Variants in ZBTB20 observed in about 807,000 individuals in gnomAD.
The protein encoded by ZBTB20 is zinc finger and BTB domain containing 20, also known as zinc finger and BTB domain-containing protein 20.
ZBTB20 carries 9 observed loss-of-function variants against 56.9 expected under a neutral mutation model. The ratio of observed to expected loss-of-function variants is 0.16; its 90% confidence interval spans 0.10 to 0.28. The LOEUF (loss-of-function observed/expected upper bound fraction) is 0.28. Ranked by LOEUF, ZBTB20 falls within the 10% of genes least tolerant of loss-of-function variation. The pLI is 1.00. For missense variants in ZBTB20, 655 were observed against 1,003.0 expected, an observed-to-expected ratio of 0.65 and a Z score of 4.69; for synonymous variants, 417 against 420.7, an observed-to-expected ratio of 0.99 and a Z score of 0.11.
intron 6 of ZBTB20, among the ~76,000 whole-genome samples, chr3:114,638,075 C>T (rs2059370450): frequency 1.3e-5 from 2 of 152,086 alleles, no homozygotes; most frequent in Admixed American, 6.6e-5. Flanking sequence ...ATTTATAAGC[C>T]AATTATGACA....
chr3:114,714,588 T>C (rs2064328269), intron 5 of ZBTB20, among the ~76,000 whole-genome samples: 1 of 151,824 alleles, frequency 6.6e-6, no homozygotes, highest in Admixed American at 6.6e-5. Context: ...TTCCATTGTG[T>C]CCCCTTCTTC....
intron 7 of ZBTB20, among the ~76,000 whole-genome samples, chr3:114,437,621 T>C (rs1326494711): frequency 1.3e-5 from 2 of 152,148 alleles, no homozygotes; most frequent in African/African-American, 4.8e-5. Flanking sequence ...AAGTATTTTA[T>C]AGGGTTGAAG....
At chr3:114,346,691 T>A (rs928741700) in intron 11 of ZBTB20, among the ~76,000 whole-genome samples, 1 of 151,492 alleles carries the variant, frequency 6.6e-6, no homozygotes, top group African/African-American at 2.4e-5. Context: ...AGATTTTTTT[T>A]TTTTTTTTTT....
chr3:114,919,518 C>T (rs943118250), intron 3 of ZBTB20, among the ~76,000 whole-genome samples: 3 of 151,918 alleles, frequency 2.0e-5, no homozygotes, highest in Non-Finnish European at 2.9e-5. Context: ...CCATCCTGGC[C>T]AAGTTCGTGA....
intron 6 of ZBTB20, among the ~76,000 whole-genome samples, chr3:114,547,238 A>T (rs2050000036): frequency 6.6e-6 from 1 of 152,210 alleles, no homozygotes. Flanking sequence ...TCCAAGGCCA[A>T]GAAATGAGAC....
At chr3:114,888,761 C>T (rs1380507434) in intron 4 of ZBTB20, among the ~76,000 whole-genome samples, 1 of 152,084 alleles carries the variant, frequency 6.6e-6, no homozygotes, top group East Asian at 1.9e-4. Context: ...TGAATTGTCT[C>T]CTGATATACA....
chr3:115,077,532 C>T (rs2082638728), intron 1 of ZBTB20, among the ~76,000 whole-genome samples: 1 of 152,188 alleles, frequency 6.6e-6, no homozygotes, highest in Non-Finnish European at 1.5e-5. Context: ...TTCTGTTGTT[C>T]ATAAATTACC....
In ZBTB20 at chr3:114,859,810, G is replaced by T. The variant is rs140539863; in HGVS notation, c.-417+40494C>A. The stretch of plus-strand genomic sequence containing the variant: ...CATAAATAAAGCAAAGGTTCAAACT[G>T]CACTTTTACAACTACAATGTCACTA... On this transcript the variant is annotated intron_variant, in intron 4 of 11. Coordinates refer to ENST00000675478, the MANE Select transcript of ZBTB20 (RefSeq NM_001348800.3). Among the ~76,000 whole-genome samples, 224 of 152,186 alleles carry T rather than the reference G, an allele frequency of 1.5e-3. 2 individuals are homozygous for T. Among genetic ancestry groups the T allele is most frequent in the Middle Eastern group, 3.4e-3 (1 of 294 alleles).
At chr3:114,843,994 T>C (rs1213878013) in intron 4 of ZBTB20, among the ~76,000 whole-genome samples, 1 of 152,078 alleles carries the variant, frequency 6.6e-6, no homozygotes, top group Non-Finnish European at 1.5e-5. Flanking sequence ...GCCATATTTT[T>C]ATAAAGACTT....
At position 114,477,962 on chromosome 3, in the gene ZBTB20, CCT is replaced by C. The variant is rs144916161; in HGVS notation, c.-255+22388_-255+22389del. On this transcript the variant is annotated intron_variant, in intron 7 of 11. Transcript: ENST00000675478. ...CTCTCTCTCTCTCCCTCCCACCCTC[CCT>C]CTCTCTCTCTCTCTCTCTTTCTTTC... Among the ~76,000 whole-genome samples, 724 of 111,712 alleles carry C rather than the reference CCT, an allele frequency of 6.5e-3. 3 individuals are homozygous for C. In the Middle Eastern group the frequency reaches 0.071, roughly 11 times the overall value. The allele number at this position is 111,712 out of a possible 152,430, so 73.3% of individuals were successfully genotyped here. A position where few individuals can be genotyped will look rare whatever the true frequency, so the allele number is the denominator to read the frequency against.
rs141164031 is a variant in ZBTB20 at position 115,071,303 on chromosome 3, G to A, written c.-591C>T. 286 of 152,280 alleles carry A rather than the reference G, an allele frequency of 1.9e-3. 1 individual carries two copies. Among genetic ancestry groups the A allele is most frequent in the African/African-American group, 6.1e-3 (255 of 41,552 alleles). The allele number at this position is 152,280 out of a possible 1,614,324, so 9.4% of individuals were successfully genotyped here. ...ATAGGCATGGGTGTGAGATCAACTG[G>A]AGATTCAAGGAAGCTAAAGTGCCCA... On this transcript the variant is annotated 5_prime_UTR_variant, in exon 2 of 12. Transcript: ENST00000675478.
At chr3:114,438,977 C>G (rs561683551) in intron 7 of ZBTB20, among the ~76,000 whole-genome samples, 2 of 152,218 alleles carry the variant, frequency 1.3e-5, no homozygotes, top group East Asian at 3.9e-4. Flanking sequence ...TCAGTTAACC[C>G]TGTCTTCCTA....
intron 5 of ZBTB20, among the ~76,000 whole-genome samples, chr3:114,727,378 C>G (rs1034813585): frequency 2.0e-5 from 3 of 152,182 alleles, no homozygotes; most frequent in Admixed American, 1.3e-4. Context: ...GCCCCTTAAT[C>G]CACAAACTAA....
chr3:114,749,607 G>GGAAA (rs1467974166), intron 5 of ZBTB20, among the ~76,000 whole-genome samples: 7 of 149,304 alleles, frequency 4.7e-5, no homozygotes, highest in African/African-American at 1.7e-4. Context: ...AAGGAAGGAA[G>GGAAA]GAAGGAAGGA....
At chr3:114,582,381 TTTTAA>T (rs1474472007) in intron 6 of ZBTB20, 2 of 152,000 alleles carry the variant, frequency 1.3e-5, no homozygotes, top group Non-Finnish European at 2.9e-5. Context: ...CTTCCATGTG[TTTTAA>T]TTTTTTTTTT....
intron 4 of ZBTB20, among the ~76,000 whole-genome samples, chr3:114,872,137 C>G (rs1416097266): frequency 6.6e-6 from 1 of 152,142 alleles, no homozygotes. Flanking sequence ...CACTTTCCTA[C>G]TAACAGATCA....
chr3:114,605,845 A>C (rs1158447863), intron 6 of ZBTB20, among the ~76,000 whole-genome samples: 1 of 152,202 alleles, frequency 6.6e-6, no homozygotes, highest in East Asian at 1.9e-4. Context: ...AAAAAAGTAC[A>C]GAGCAAGACA....
intron 5 of ZBTB20, among the ~76,000 whole-genome samples, chr3:114,792,487 G>C (rs2071031323): frequency 6.6e-6 from 1 of 152,132 alleles, no homozygotes; most frequent in South Asian, 2.1e-4. Context: ...AACAACTACT[G>C]GAGGACCCTA....
chr3:114,927,888 A>C (rs1440357863), intron 3 of ZBTB20, among the ~76,000 whole-genome samples: 2 of 152,216 alleles, frequency 1.3e-5, no homozygotes, highest in Non-Finnish European at 2.9e-5. Context: ...GTAAGAATAT[A>C]ATCTCTGTAA....
Sources: allele counts gnomAD v4.1 joint callset (sites outside exome capture counted in the v4.1 genomes callset), GRCh38; gene constraint gnomAD v4.1.1; transcripts MANE v1.5; gene names NCBI Gene and HGNC (gene_info 2026-07-23, HGNC 2026-07-21).